FAM81B: variants seen among roughly 807,000 people sequenced by gnomAD.
FAM81B encodes the protein protein FAM81B.
Under a neutral mutation model 58.7 loss-of-function variants are expected in FAM81B, and 60 were observed. The ratio of observed to expected loss-of-function variants is 1.02; its 90% confidence interval spans 0.83 to 1.27. FAM81B has a LOEUF of 1.27. Ranked by LOEUF, FAM81B falls within the 50% of genes most tolerant of loss-of-function variation. The pLI, the probability that FAM81B is intolerant of heterozygous loss-of-function variation, is 0.00. For missense variants in FAM81B, 491 were observed against 522.0 expected, an observed-to-expected ratio of 0.94 and a Z score of 0.58; for synonymous variants, 189 against 179.6, an observed-to-expected ratio of 1.05 and a Z score of -0.42.
chr5:95,448,360 T>A lies in FAM81B; in HGVS notation c.1121T>A (p.Leu374Gln). 1 of 1,612,928 alleles carries A rather than the reference T, an allele frequency of 6.2e-7. No individual in the cohort carries two copies. Among genetic ancestry groups the A allele is most frequent in the East Asian group, 2.2e-5 (1 of 44,788 alleles). ...AACACACAGAAACAGGAAACACAACTAAGTAAAGTAAAGCATATGGAAAAT... is the reference window on the plus strand; with the variant it reads ...AACACACAGAAACAGGAAACACAACAAAGTAAAGTAAAGCATATGGAAAAT... ...FINTQKQETQLSKVKHMENKL... is the reference protein window; with the variant it reads ...FINTQKQETQQSKVKHMENKL... The change falls in exon 9 of 10, where the codon CTA (leucine) becomes CAA (glutamine). Residue 374 changes from leucine (L) to glutamine (Q), a missense_variant. Coordinates refer to ENST00000283357, the MANE Select transcript of FAM81B (RefSeq NM_152548.3).
At chr5:95,425,166 G>A (rs537289826) in intron 5 of FAM81B, among the ~76,000 whole-genome samples, 5 of 136,358 alleles carry the variant, frequency 3.7e-5, no homozygotes, top group African/African-American at 5.8e-5. Context: ...GAAACAGAAC[G>A]AATTCTTCAA....
rs146798794 is a variant in FAM81B at position 95,419,834 on chromosome 5, T to C, written c.538-450T>C. ...ATAAAAAATCTTGCCTGATGCAATA[T>C]TGAAAAAAATCCTTTTCCAAACTTA... On this transcript the variant is annotated intron_variant, in intron 4 of 9. Transcript: ENST00000283357. Among the ~76,000 whole-genome samples, 24 of 152,328 alleles carry C rather than the reference T, an allele frequency of 1.6e-4. No individual in the cohort carries two copies. The East Asian group carries it at 3.3e-3, about 21-fold the overall frequency.
intron 5 of FAM81B, among the ~76,000 whole-genome samples, chr5:95,421,039 T>C (rs62365045): frequency 0.35 from 53,231 of 151,976 alleles, 10,177 homozygotes; most frequent in African/African-American, 0.5. Context: ...AATTAGATAA[T>C]TACTACCTAA....
intron 2 of FAM81B, among the ~76,000 whole-genome samples, chr5:95,394,374 C>T (rs1473800420): frequency 2.6e-5 from 4 of 152,180 alleles, no homozygotes; most frequent in Non-Finnish European, 5.9e-5. Flanking sequence ...GAGAGGACTA[C>T]TCTCCAAACA....
intron 6 of FAM81B, among the ~76,000 whole-genome samples, chr5:95,436,448 G>A (rs1172650917): frequency 2.0e-5 from 3 of 152,128 alleles, no homozygotes; most frequent in Admixed American, 2.0e-4. Flanking sequence ...ATTGTAACGG[G>A]AGACAATAGA....
intron 6 of FAM81B, among the ~76,000 whole-genome samples, chr5:95,434,453 C>T (rs1177734352): frequency 6.6e-6 from 1 of 152,224 alleles, no homozygotes; most frequent in Non-Finnish European, 1.5e-5. Context: ...ATCCCTCTCA[C>T]ACCAGCTGGA....
chr5:95,439,007 C>T (rs892195522), intron 7 of FAM81B, among the ~76,000 whole-genome samples: 8 of 150,806 alleles, frequency 5.3e-5, no homozygotes, highest in African/African-American at 1.7e-4. Flanking sequence ...TTTTCTAGTA[C>T]ATCCTGGATA....
chr5:95,420,442 C>T (rs748232378), intron 5 of FAM81B, 40 bp downstream of exon 5: 2 of 1,608,518 alleles, frequency 1.2e-6, no homozygotes, highest in Admixed American at 1.7e-5. Flanking sequence ...ACAGTGAATT[C>T]TTGGCCAGTG....
At chr5:95,428,976 C>A (rs1288622067) in intron 6 of FAM81B, among the ~76,000 whole-genome samples, 1 of 152,176 alleles carries the variant, frequency 6.6e-6, no homozygotes, top group Non-Finnish European at 1.5e-5. Context: ...TTGAGTCCAC[C>A]ATTGCTGTTA....
intron 5 of FAM81B, among the ~76,000 whole-genome samples, chr5:95,426,211 A>G (rs1762826879): frequency 6.6e-6 from 1 of 151,360 alleles, no homozygotes; most frequent in Non-Finnish European, 1.5e-5. Flanking sequence ...AGGGATTTGG[A>G]AAGAGCTTAA....
rs141391015 is a variant in FAM81B at position 95,431,587 on chromosome 5, T to A, written c.786+2855T>A. 1.9e-4 allele frequency among the ~76,000 whole-genome samples: 29 copies of A among 152,150 alleles called. No individual in the cohort carries two copies. The East Asian group carries it at 5.2e-3, about 27-fold the overall frequency. On this transcript the variant is annotated intron_variant, in intron 6 of 9. Transcript: ENST00000283357. ...CATAGTCATAATGTTGAGTGTTCTA[T>A]CCAAGAATGTAGTGTGCTTCCCATT...
chr5:95,446,811 A>G, intron 8 of FAM81B, 114 bp downstream of exon 8: 2 of 1,382,728 alleles, frequency 1.4e-6, no homozygotes, highest in South Asian at 1.3e-5. Flanking sequence ...TGCTTCAGTA[A>G]CTTTTTTTTT....
chr5:95,415,169 G>A (rs1244859764), intron 4 of FAM81B, among the ~76,000 whole-genome samples: 2 of 152,204 alleles, frequency 1.3e-5, no homozygotes, highest in African/African-American at 2.4e-5. Context: ...TTGCTAGGGT[G>A]CAGATGTACG....
intron 6 of FAM81B, 60 bp downstream of exon 6, chr5:95,428,792 G>T: frequency 6.2e-7 from 1 of 1,601,972 alleles, no homozygotes; most frequent in African/African-American, 1.3e-5. Flanking sequence ...GATCATTATA[G>T]CTTATCAAAA....
chr5:95,434,609 T>C (rs1235556387), intron 6 of FAM81B, among the ~76,000 whole-genome samples: 2 of 152,168 alleles, frequency 1.3e-5, no homozygotes, highest in East Asian at 1.9e-4. Context: ...ACTGAGGGCA[T>C]GGACATCTTT....
chr5:95,446,096 A>G (rs1745545957), intron 7 of FAM81B, among the ~76,000 whole-genome samples: 1 of 152,184 alleles, frequency 6.6e-6, no homozygotes. Flanking sequence ...TGGAGCATTG[A>G]GTGGTTGCAA....
intron 7 of FAM81B, among the ~76,000 whole-genome samples, chr5:95,438,498 G>A (rs73143927): frequency 0.16 from 24,912 of 152,084 alleles, 3,252 homozygotes; most frequent in African/African-American, 0.36. Context: ...CATTACTGAT[G>A]ATGCTCATTT....
chr5:95,437,008 C>A, intron 7 of FAM81B, 102 bp downstream of exon 7: 1 of 827,790 alleles, frequency 1.2e-6, no homozygotes, highest in Non-Finnish European at 2.0e-6. Context: ...GGAATTTGAA[C>A]CTGGCCAAGA....
chr5:95,434,580 G>A (rs150141557), intron 6 of FAM81B, among the ~76,000 whole-genome samples: 3 of 152,202 alleles, frequency 2.0e-5, no homozygotes, highest in East Asian at 3.9e-4. Flanking sequence ...CTACAGCATC[G>A]CACCTTCACA....
Sources: allele counts gnomAD v4.1 joint callset (sites outside exome capture counted in the v4.1 genomes callset), GRCh38; gene constraint gnomAD v4.1.1; transcripts MANE v1.5; gene names NCBI Gene and HGNC (gene_info 2026-07-23, HGNC 2026-07-21).